SH3KBP1: variants seen among roughly 807,000 people sequenced by gnomAD.
The protein encoded by SH3KBP1 is SH3 domain containing kinase binding protein 1, also known as SH3 domain-containing kinase-binding protein 1.
In SH3KBP1, 8 loss-of-function variants were observed where a neutral mutation model predicts 50.1. That is an observed-to-expected ratio of 0.16 (90% CI 0.09 to 0.29). The LOEUF is 0.29. Among genes scored for constraint, SH3KBP1 ranks in the 10% least tolerant of loss-of-function variants. The pLI is 1.00. For synonymous variants in SH3KBP1, 227 were observed against 218.6 expected, an observed-to-expected ratio of 1.04 and a Z score of -0.34; for missense variants, 377 against 535.2, an observed-to-expected ratio of 0.70 and a Z score of 2.92.
intron 3 of SH3KBP1, among the ~76,000 whole-genome samples, chrX:19,711,507 C>G (rs2063772871): frequency 9.0e-6 from 1 of 111,515 alleles, no homozygotes; most frequent in Non-Finnish European, 1.9e-5. Flanking sequence ...TGAAAATAAA[C>G]TAATAACAAC....
intron 1 of SH3KBP1, among the ~76,000 whole-genome samples, chrX:19,875,456 G>C (rs1166707722): frequency 8.9e-6 from 1 of 112,494 alleles, no homozygotes; most frequent in Non-Finnish European, 1.9e-5. Context: ...CCTTTGTCAA[G>C]AGGAGGGCAG....
intron 1 of SH3KBP1, among the ~76,000 whole-genome samples, chrX:19,881,657 G>A (rs1220586659): frequency 9.0e-6 from 1 of 111,522 alleles, no homozygotes; most frequent in Non-Finnish European, 1.9e-5. Context: ...CAGAGACCAA[G>A]ACTGGGGACA....
chrX:19,583,837 T>A (rs1476753079), intron 12 of SH3KBP1, among the ~76,000 whole-genome samples: 2 of 103,015 alleles, frequency 1.9e-5, no homozygotes, highest in East Asian at 5.7e-4. Flanking sequence ...TATACTAATA[T>A]ATTTATTAAC....
intron 2 of SH3KBP1, among the ~76,000 whole-genome samples, chrX:19,807,069 G>A (rs2147263863): frequency 8.9e-6 from 1 of 112,061 alleles, no homozygotes; most frequent in African/African-American, 3.2e-5. Flanking sequence ...TGGGGCAAGG[G>A]ATGGAGGGTA....
chrX:19,770,577 C>T (rs767528681), intron 2 of SH3KBP1, among the ~76,000 whole-genome samples: 5 of 111,599 alleles, frequency 4.5e-5, no homozygotes, highest in African/African-American at 1.6e-4. Context: ...ACTGCTGGGT[C>T]GAATGGTAGT....
chrX:19,673,526 G>C (rs765772643), intron 6 of SH3KBP1, among the ~76,000 whole-genome samples: 2 of 111,455 alleles, frequency 1.8e-5, no homozygotes, highest in East Asian at 5.6e-4. Flanking sequence ...CCAGCTTAAA[G>C]AGTGTGCATG....
At chrX:19,804,349 C>T (rs1421810377) in intron 2 of SH3KBP1, among the ~76,000 whole-genome samples, 2 of 110,757 alleles carry the variant, frequency 1.8e-5, no homozygotes, top group African/African-American at 6.6e-5. Flanking sequence ...CAGACATTAT[C>T]TAATGCTAGG....
intron 6 of SH3KBP1, among the ~76,000 whole-genome samples, chrX:19,672,640 A>T (rs1288355795): frequency 8.9e-6 from 1 of 112,227 alleles, no homozygotes; most frequent in Non-Finnish European, 1.9e-5. Flanking sequence ...AAAGTCTGGG[A>T]AACTGTTAAA....
At chrX:19,635,770 C>T (rs905007615) in intron 7 of SH3KBP1, among the ~76,000 whole-genome samples, 1 of 110,576 alleles carries the variant, frequency 9.0e-6, no homozygotes, top group African/African-American at 3.3e-5. Context: ...GCCCAACCAC[C>T]CCCTCCTGTC....
chrX:19,655,583 C>T (rs764616606), intron 6 of SH3KBP1, among the ~76,000 whole-genome samples: 1 of 111,435 alleles, frequency 9.0e-6, no homozygotes, highest in Non-Finnish European at 1.9e-5. Flanking sequence ...CCAAGTACTA[C>T]ATATTCTTAT....
chrX:19,786,593 C>G (rs1385020258), intron 2 of SH3KBP1, among the ~76,000 whole-genome samples: 1 of 112,116 alleles, frequency 8.9e-6, no homozygotes, highest in East Asian at 2.8e-4. Context: ...TGACCAAATA[C>G]TATTGTCTTC....
In SH3KBP1 at chrX:19,534,028, G is replaced by C. The variant is rs1484015398; in HGVS notation, c.*2389C>G. The C allele has an allele frequency of 1.8e-5, 2 of 109,688 alleles. No individual in the cohort carries two copies. Among genetic ancestry groups the C allele is most frequent in the African/African-American group, 6.6e-5 (2 of 30,149 alleles). The allele number at this position is 109,688 out of a possible 1,213,427, so 9.0% of individuals were successfully genotyped here. On this transcript the variant is annotated 3_prime_UTR_variant, in exon 18 of 18. Transcript: ENST00000397821. ...CTTCTTTACAAAGCACAATACTTAAGACTTTTCTAAATACAACTTTATAAA... is the reference window on the plus strand; with the variant it reads ...CTTCTTTACAAAGCACAATACTTAACACTTTTCTAAATACAACTTTATAAA...
chrX:19,773,076 T>C (rs1369892270), intron 2 of SH3KBP1, among the ~76,000 whole-genome samples: 1 of 110,873 alleles, frequency 9.0e-6, no homozygotes, highest in Non-Finnish European at 1.9e-5. Flanking sequence ...TGCACAAGCA[T>C]AGAGACTCAC....
At chrX:19,813,442 C>A (rs1252017094) in intron 2 of SH3KBP1, among the ~76,000 whole-genome samples, 3 of 110,892 alleles carry the variant, frequency 2.7e-5, no homozygotes, top group Admixed American at 9.6e-5. Flanking sequence ...CGATCACAAT[C>A]AAGCTAATTA....
intron 2 of SH3KBP1, among the ~76,000 whole-genome samples, chrX:19,749,258 A>G (rs2065002486): frequency 8.9e-6 from 1 of 112,485 alleles, no homozygotes; most frequent in Non-Finnish European, 1.9e-5. Flanking sequence ...ATATAGAATT[A>G]CCATCTGATC....
chrX:19,831,269 T>C (rs907019723), intron 2 of SH3KBP1, among the ~76,000 whole-genome samples: 2 of 108,454 alleles, frequency 1.8e-5, no homozygotes, highest in Admixed American at 2.0e-4. Context: ...ATACAAAAAT[T>C]AGCCATGTGT....
At chrX:19,645,804 T>G (rs2061976297) in intron 6 of SH3KBP1, among the ~76,000 whole-genome samples, 1 of 111,965 alleles carries the variant, frequency 8.9e-6, no homozygotes, top group African/African-American at 3.3e-5. Flanking sequence ...AGAAGCTGAC[T>G]CAGTCTATGG....
At chrX:19,823,685 T>C (rs773121333) in intron 2 of SH3KBP1, among the ~76,000 whole-genome samples, 1 of 112,497 alleles carries the variant, frequency 8.9e-6, no homozygotes, top group African/African-American at 3.2e-5. Flanking sequence ...TCATCACATG[T>C]AGAAGTTGTG....
At chrX:19,816,212 A>C (rs2067351384) in intron 2 of SH3KBP1, among the ~76,000 whole-genome samples, 1 of 112,266 alleles carries the variant, frequency 8.9e-6, no homozygotes, top group Non-Finnish European at 1.9e-5. Context: ...ATTCTAATAG[A>C]TACATAGTAA....
Sources: allele counts gnomAD v4.1 joint callset (sites outside exome capture counted in the v4.1 genomes callset), GRCh38; gene constraint gnomAD v4.1.1; transcripts MANE v1.5; gene names NCBI Gene and HGNC (gene_info 2026-07-23, HGNC 2026-07-21).